The following LOXHD1 variants were observed in gnomAD, a reference collection of about 807,000 sequenced individuals.
LOXHD1 encodes the protein lipoxygenase homology domain-containing protein 1.
A neutral mutation model predicts 248.2 loss-of-function variants in LOXHD1; 205 were observed. That is an observed-to-expected ratio of 0.83 (90% CI 0.74 to 0.93). The LOEUF (loss-of-function observed/expected upper bound fraction) is 0.93. LOXHD1 is among the 40% of genes least tolerant of loss of function. The pLI is 0.00. For synonymous variants in LOXHD1, 1,113 were observed against 1,162.8 expected, an observed-to-expected ratio of 0.96 and a Z score of 0.87; for missense variants, 2,930 against 2,971.6, an observed-to-expected ratio of 0.99 and a Z score of 0.33.
chr18:46,598,990 C>A (rs1222371452), intron 8 of LOXHD1, among the ~76,000 whole-genome samples: 1 of 151,958 alleles, frequency 6.6e-6, no homozygotes, highest in East Asian at 1.9e-4. Flanking sequence ...TCAAAATATT[C>A]TTGAGGAAGA....
At chr18:46,504,348 T>C (rs1019798885) in intron 37 of LOXHD1, among the ~76,000 whole-genome samples, 10 of 152,194 alleles carry the variant, frequency 6.6e-5, no homozygotes, top group African/African-American at 1.7e-4. Flanking sequence ...TCAAGTGATC[T>C]GCCTACCTCA....
At chr18:46,604,344 T>C (rs1246904036) in intron 6 of LOXHD1, 115 bp from the exon 7 acceptor site, 1 of 1,378,640 alleles carries the variant, frequency 7.3e-7, no homozygotes, top group African/African-American at 1.4e-5. Context: ...CTGATATCTG[T>C]TTCGTGGCCC....
chr18:46,538,030 G>C, intron 26 of LOXHD1, 126 bp downstream of exon 26: 1 of 847,728 alleles, frequency 1.2e-6, no homozygotes, highest in African/African-American at 1.7e-5. Context: ...AGGATGAGCT[G>C]CTCACCTTCC....
intron 28 of LOXHD1, 101 bp downstream of exon 28, chr18:46,533,061 C>T: frequency 7.7e-7 from 1 of 1,306,302 alleles, no homozygotes; most frequent in South Asian, 1.5e-5. Flanking sequence ...ACAGACCCTA[C>T]TCCTGGGTGA....
intron 21 of LOXHD1, among the ~76,000 whole-genome samples, chr18:46,548,542 G>A (rs746436570): frequency 6.6e-6 from 1 of 152,204 alleles, no homozygotes; most frequent in Non-Finnish European, 1.5e-5. Context: ...TAGTGTTTCA[G>A]AGAAAAATGC....
chr18:46,551,654 T>G (rs1461521547), intron 21 of LOXHD1, among the ~76,000 whole-genome samples: 1 of 152,106 alleles, frequency 6.6e-6, no homozygotes, highest in Non-Finnish European at 1.5e-5. Context: ...CCTCTCAAGC[T>G]AGAGAAGGCA....
intron 33 of LOXHD1, chr18:46,518,743 G>A (rs2144093829): frequency 3.2e-6 from 1 of 313,430 alleles, no homozygotes; most frequent in Non-Finnish European, 4.6e-6. Context: ...CAATTCGCAT[G>A]GCACCTGGTG....
chr18:46,655,630 G>GC (rs1176837445), intron 1 of LOXHD1, among the ~76,000 whole-genome samples: 4 of 152,094 alleles, frequency 2.6e-5, no homozygotes, highest in Admixed American at 2.0e-4. Flanking sequence ...TCCTACTACA[G>GC]CCCCCCCTTC....
rs751957397 is a variant in LOXHD1, at chr18:46,618,284, T to G, written c.518A>C (p.Lys173Thr). 1.3e-6 allele frequency: 2 copies of G among 1,549,190 alleles called. No homozygotes were observed. Among genetic ancestry groups the G allele is most frequent in the South Asian group, 2.4e-5 (2 of 84,012 alleles). The change falls in exon 5 of 41, where the codon AAG becomes ACG. Residue 173 changes from lysine to threonine, a missense_variant. Lys to Thr is a moderately conservative substitution (Grantham distance 78). Coordinates refer to ENST00000642948, the MANE Select transcript of LOXHD1 (RefSeq NM_001384474.1). Reference protein sequence around the residue: ...FNPMDMPRGNKYEVKVYTGDV... With the variant: ...FNPMDMPRGNTYEVKVYTGDV... ...ACCAGTGTATACCTTGACTTCATAC[T>G]TATTACCTAGGAACAAGGAGAGAGA...
rs116172161 is a variant in LOXHD1 at position 46,631,720 on chromosome 18, A to G, written c.511+7896T>C. On this transcript the variant is annotated intron_variant, in intron 4 of 40. Coordinates refer to ENST00000642948, the MANE Select transcript of LOXHD1 (RefSeq NM_001384474.1). ...AACTCTGGGAACAAGGAGCCAACTC[A>G]GTTAGCAAATAGGGCAGGCCCCGGG... 7.2e-5 allele frequency among the ~76,000 whole-genome samples: 11 copies of G among 152,312 alleles called. No homozygotes were observed. In the East Asian group the frequency reaches 2.1e-3, roughly 29 times the overall value.
Position 46,524,560 on chromosome 18 carries a change from A to T in LOXHD1, c.4782T>A (p.Ala1594=). 6.4e-7 allele frequency: 1 copy of T among 1,551,744 alleles called. No homozygotes were observed. The highest frequency in any genetic ancestry group is 8.7e-7 in the Non-Finnish European group (1 of 1,147,008). The part of the protein sequence containing the change: ...GDRSSNCSSP[A]DFWEIALSSK... ...AGCTCAGGGCGATCTCCCAGAAGTC[A>T]GCAGGGCTGCTGCAGTTGCTGCTGC... The change falls in exon 31 of 41, where the codon GCT becomes GCA. Residue 1594 remains alanine, a synonymous_variant. Transcript: ENST00000642948.
At chr18:46,516,713 CCCT>C (rs2035268128) in intron 34 of LOXHD1, among the ~76,000 whole-genome samples, 4 of 151,588 alleles carry the variant, frequency 2.6e-5, no homozygotes. Context: ...CCTATCACTG[CCCT>C]CATCATCATA....
At chr18:46,569,833 C>T (rs1186678179) in intron 15 of LOXHD1, among the ~76,000 whole-genome samples, 195 bp from the exon 16 acceptor site, 1 of 152,180 alleles carries the variant, frequency 6.6e-6, no homozygotes, top group Non-Finnish European at 1.5e-5. Flanking sequence ...TGTGAGGTCT[C>T]CTCAACTGTA....
chr18:46,619,301 C>T (rs2038634961), intron 4 of LOXHD1, among the ~76,000 whole-genome samples: 1 of 152,138 alleles, frequency 6.6e-6, no homozygotes, highest in Non-Finnish European at 1.5e-5. Context: ...AGTCCCAGCC[C>T]CTCTGCCCAC....
intron 21 of LOXHD1, among the ~76,000 whole-genome samples, chr18:46,552,161 C>T (rs1311965993): frequency 6.6e-6 from 1 of 152,102 alleles, no homozygotes; most frequent in South Asian, 2.1e-4. Context: ...CACTATTGAA[C>T]TGTACACTTA....
chr18:46,590,458 C>T (rs182589151), intron 12 of LOXHD1, among the ~76,000 whole-genome samples: 82 of 152,264 alleles, frequency 5.4e-4, no homozygotes, highest in Admixed American at 3.5e-3. Context: ...AAAGCAGTTA[C>T]GGCCCAAGAC....
Position 46,524,602 on chromosome 18 carries a change from C to T in LOXHD1, c.4741-1G>A, listed in dbSNP as rs1057524755. 2 of 1,551,636 alleles carry T rather than the reference C, an allele frequency of 1.3e-6. No homozygotes were observed. The highest frequency in any genetic ancestry group is 1.7e-6 in the Non-Finnish European group (2 of 1,147,014). On this transcript the variant is annotated splice_acceptor_variant, in intron 30 of 40. Transcript: ENST00000642948. LOFTEE classifies it high-confidence loss of function. ...TGCTGCTGCGGTCCCCAGTGTACTC[C>T]TGTGTGGGAGAGCAGGACTGGCAGT...
In LOXHD1 at chr18:46,518,249, T is replaced by C. The variant is rs753708345; in HGVS notation, c.5279A>G (p.Tyr1760Cys). 4.5e-6 allele frequency: 7 copies of C among 1,551,570 alleles called. No homozygotes were observed. The highest frequency in any genetic ancestry group is 2.4e-5 in the East Asian group (1 of 40,922). Residue 1760 changes from tyrosine to cysteine, a missense_variant, in exon 34 of 41, where the codon TAT becomes TGT. Physicochemically the swap from Tyr to Cys is radical, Grantham distance 194 (BLOSUM62 -2). Transcript: ENST00000642948. ...ATCCCCTGTCCACACCGTCATTTCA[T>C]AGAGAACCTGCCATGAGAGGAATGC... ...MVVNIGVKVL[Y>C]EMTVWTGDVV...
chr18:46,614,382 T>C (rs1599050709), intron 5 of LOXHD1, among the ~76,000 whole-genome samples: 1 of 152,054 alleles, frequency 6.6e-6, no homozygotes, highest in Admixed American at 6.6e-5. Context: ...TGGAATACTA[T>C]GCAGCCATAA....
Sources: allele counts gnomAD v4.1 joint callset (sites outside exome capture counted in the v4.1 genomes callset), GRCh38; gene constraint gnomAD v4.1.1; transcripts MANE v1.5; gene names NCBI Gene and HGNC (gene_info 2026-07-23, HGNC 2026-07-21).